The following NTAQ1 variants were observed in gnomAD, a reference collection of about 807,000 sequenced individuals.
NTAQ1 encodes the protein protein N-terminal glutamine amidohydrolase.
A neutral mutation model predicts 28.2 loss-of-function variants in NTAQ1; 21 were observed. The ratio of observed to expected loss-of-function variants is 0.74; its 90% CI spans 0.53 to 1.07. The LOEUF (loss-of-function observed/expected upper bound fraction) is 1.07, where lower values mean the gene tolerates loss of function less well. Ranked by LOEUF, NTAQ1 falls within the 50% of genes least tolerant of loss-of-function variation. The pLI is 0.00. For missense variants in NTAQ1, 264 were observed against 256.6 expected, an observed-to-expected ratio of 1.03 and a Z score of -0.20; for synonymous variants, 105 against 90.0, an observed-to-expected ratio of 1.17 and a Z score of -0.94.
chr8:123,416,991 C>G, intron 1 of NTAQ1, 59 bp downstream of exon 1: 2 of 1,372,844 alleles, frequency 1.5e-6, no homozygotes, highest in Non-Finnish European at 1.9e-6. Flanking sequence ...CGAGTCGCAA[C>G]CGGGCCCCGC....
chr8:123,435,777 GA>G (rs1225142346), intron 3 of NTAQ1, among the ~76,000 whole-genome samples: 2 of 152,066 alleles, frequency 1.3e-5, no homozygotes, highest in East Asian at 3.9e-4. Flanking sequence ...TGAGGCAGGA[GA>G]ATCGCTTGAA....
intron 6 of NTAQ1, among the ~76,000 whole-genome samples, chr8:123,454,015 A>G (rs1173817608): frequency 6.6e-6 from 1 of 152,202 alleles, no homozygotes; most frequent in Non-Finnish European, 1.5e-5. Context: ...TGTCTGTTGT[A>G]GGGCAGGAGT....
At chr8:123,435,638 G>A (rs1223275924) in intron 3 of NTAQ1, 15 of 615,550 alleles carry the variant, frequency 2.4e-5, no homozygotes, top group Non-Finnish European at 2.8e-5. Context: ...AGGCTGAGGC[G>A]GGGGGATCAC....
chr8:123,464,465 G>A (rs942461122), intron 6 of NTAQ1, among the ~76,000 whole-genome samples: 3 of 152,236 alleles, frequency 2.0e-5, no homozygotes, highest in African/African-American at 4.8e-5. Flanking sequence ...GAGTGGCAGC[G>A]GCATGAGGAG....
intron 6 of NTAQ1, among the ~76,000 whole-genome samples, chr8:123,459,210 C>T (rs1353739002): frequency 6.6e-6 from 1 of 151,766 alleles, no homozygotes; most frequent in African/African-American, 2.4e-5. Context: ...TATGCCACTG[C>T]ACTCCAGCCT....
At chr8:123,419,969 T>G (rs1813578722) in intron 1 of NTAQ1, among the ~76,000 whole-genome samples, 1 of 152,026 alleles carries the variant, frequency 6.6e-6, no homozygotes, top group Admixed American at 6.6e-5. Flanking sequence ...GTTACATGGG[T>G]AAAGTGTATG....
chr8:123,417,914 C>G (rs1813406519), intron 1 of NTAQ1, among the ~76,000 whole-genome samples: 1 of 152,168 alleles, frequency 6.6e-6, no homozygotes, highest in Admixed American at 6.6e-5. Flanking sequence ...GGTGCTGAAA[C>G]TGGAACCTCT....
chr8:123,421,849 C>G lies in NTAQ1; in HGVS notation c.83+4917C>G, dbSNP rs112683552. On this transcript the variant is annotated intron_variant, in intron 1 of 5. Transcript: ENST00000287387. ...GGCTGCAGGTGTCCACCACCACACCCGGCTAATTTTTTGTATTTTTTTTTA... is the reference window on the plus strand; with the variant it reads ...GGCTGCAGGTGTCCACCACCACACCGGGCTAATTTTTTGTATTTTTTTTTA... Among the ~76,000 whole-genome samples, 8 of 148,730 alleles carry G rather than the reference C, an allele frequency of 5.4e-5. No homozygotes were observed. The East Asian group carries it at 7.8e-4, about 14-fold the overall frequency.
chr8:123,436,559 A>T lies in NTAQ1; in HGVS notation c.341A>T (p.Asp114Val). ...FPCLFDTYVE[D>V]AFKSDDDIHP... is the part of the protein sequence containing the mutation. ...TGCCTCTTTGACACTTATGTAGAAG[A>T]TGCCTTTAAGTCTGATGATGACATT... The change falls in exon 4 of 6, where the codon GAT becomes GTT. Residue 114 changes from aspartate to valine, a missense_variant. Transcript: ENST00000287387. 1 of 1,614,062 alleles carries T rather than the reference A, an allele frequency of 6.2e-7. No homozygotes were observed. The highest frequency in any genetic ancestry group is 8.5e-7 in the Non-Finnish European group (1 of 1,179,982).
chr8:123,428,265 T>C (rs553134339), intron 2 of NTAQ1, among the ~76,000 whole-genome samples: 220 of 152,234 alleles, frequency 1.4e-3, no homozygotes, highest in Non-Finnish European at 2.8e-3. Context: ...GCGTGATTCT[T>C]GGCTCACTGC....
intron 3 of NTAQ1, among the ~76,000 whole-genome samples, chr8:123,433,974 A>G (rs1437164846): frequency 6.8e-6 from 1 of 146,162 alleles, no homozygotes; most frequent in East Asian, 2.0e-4. Flanking sequence ...AGTGTATTTT[A>G]TGTGTGGCCC....
intron 6 of NTAQ1, among the ~76,000 whole-genome samples, chr8:123,465,251 T>C (rs1055456501): frequency 6.6e-6 from 1 of 152,190 alleles, no homozygotes; most frequent in African/African-American, 2.4e-5. Context: ...CACAATACTG[T>C]GAACTAAACT....
chr8:123,447,203 A>G (rs1322311321), downstream of NTAQ1, among the ~76,000 whole-genome samples: 1 of 151,992 alleles, frequency 6.6e-6, no homozygotes, highest in Non-Finnish European at 1.5e-5. Context: ...GCTTACTATT[A>G]AAAAAAATTA....
intron 1 of NTAQ1, among the ~76,000 whole-genome samples, chr8:123,427,247 C>CTTTTTTTTTTT (rs33920843): frequency 1.2e-5 from 1 of 81,600 alleles, no homozygotes; most frequent in Non-Finnish European, 2.2e-5. Flanking sequence ...ATGGTCAAAG[C>CTTTTTTTTTTT]TTTTTTTTTT....
At chr8:123,416,757 G>C, upstream of NTAQ1, 1 of 1,189,492 alleles carries the variant, frequency 8.4e-7, no homozygotes, top group Non-Finnish European at 1.1e-6. Context: ...ACCCCACGCC[G>C]GGAACCCACG....
At chr8:123,470,581 T>C (rs1364372997), downstream of NTAQ1, among the ~76,000 whole-genome samples, 1 of 152,164 alleles carries the variant, frequency 6.6e-6, no homozygotes, top group African/African-American at 2.4e-5. Context: ...TAAGACAACT[T>C]TTGGAGGCCA....
intron 1 of NTAQ1, among the ~76,000 whole-genome samples, chr8:123,423,644 A>G (rs1458936761): frequency 1.3e-5 from 2 of 151,904 alleles, no homozygotes; most frequent in Non-Finnish European, 2.9e-5. Flanking sequence ...TTTTTTTAAC[A>G]TTGAAACTTT....
intron 5 of NTAQ1, among the ~76,000 whole-genome samples, chr8:123,437,707 AAAAAAAAAAAC>A (rs60908838): frequency 0.41 from 50,353 of 123,944 alleles, 8,573 homozygotes; most frequent in East Asian, 0.57. Flanking sequence ...CATCTCAAAA[AAAAAAAAAAAC>A]AAAAAACAAA....
At chr8:123,437,096 A>G (rs1814764318) in intron 4 of NTAQ1, 114 bp from the exon 5 acceptor site, 2 of 1,392,160 alleles carry the variant, frequency 1.4e-6, no homozygotes, top group East Asian at 2.3e-5. Flanking sequence ...CTAACCATAC[A>G]GAAATGCATG....
Sources: allele counts gnomAD v4.1 joint callset (sites outside exome capture counted in the v4.1 genomes callset), GRCh38; gene constraint gnomAD v4.1.1; transcripts MANE v1.5; gene names NCBI Gene and HGNC (gene_info 2026-07-23, HGNC 2026-07-21).